Variants in GPCPD1 observed in about 807,000 individuals in gnomAD.
GPCPD1 encodes glycerophosphocholine phosphodiesterase 1.
GPCPD1 carries 29 observed loss-of-function variants against 89.2 expected under a neutral mutation model. That is an observed-to-expected ratio of 0.33 (90% confidence interval 0.24 to 0.44). The LOEUF (loss-of-function observed/expected upper bound fraction) is 0.44. Among genes scored for constraint, GPCPD1 ranks in the 20% least tolerant of loss-of-function variants. The probability of loss-of-function intolerance (pLI) is 1.00; values close to 1 mark genes in which losing one functional copy is unlikely to be tolerated. For synonymous variants in GPCPD1, 258 were observed against 266.3 expected, an observed-to-expected ratio of 0.97 and a Z score of 0.30; for missense variants, 594 against 808.9, an observed-to-expected ratio of 0.73 and a Z score of 3.22.
intron 2 of GPCPD1, among the ~76,000 whole-genome samples, chr20:5,601,361 C>CTTTTTTTTTTTTT (rs1209326779): frequency 1.4e-5 from 1 of 73,046 alleles, no homozygotes; most frequent in Non-Finnish European, 2.4e-5. Context: ...CCCTGTTAAT[C>CTTTTTTTTTTTTT]TTTTTTTTTT....
At chr20:5,571,736 C>A (rs1986730760) in intron 11 of GPCPD1, among the ~76,000 whole-genome samples, 2 of 152,074 alleles carry the variant, frequency 1.3e-5, no homozygotes, top group Non-Finnish European at 2.9e-5. Context: ...TGGCGAAACC[C>A]CATCTCTACT....
Position 5,575,332 on chromosome 20 carries a change from G to T in GPCPD1, c.1001+81C>A. On this transcript the variant is annotated intron_variant, in intron 10 of 19. Transcript: ENST00000379019. ...TTGGTAAATAATAAAAACATCATTTGACCTTTGCTGAGAAAACCAGTGTAA... is the reference window on the plus strand; with the variant it reads ...TTGGTAAATAATAAAAACATCATTTTACCTTTGCTGAGAAAACCAGTGTAA... 3 of 960,022 alleles carry T rather than the reference G, an allele frequency of 3.1e-6. No individual in the cohort carries two copies. In the South Asian group the frequency reaches 5.5e-5, roughly 17 times the overall value. The allele number at this position is 960,022 out of a possible 1,614,324, so 59.5% of individuals were successfully genotyped here.
At chr20:5,549,562 G>A (rs1349187297) in intron 19 of GPCPD1, 2 of 826,342 alleles carry the variant, frequency 2.4e-6, no homozygotes, top group Non-Finnish European at 3.8e-6. Context: ...CTGAATCAAA[G>A]CCTCTTCAAA....
At chr20:5,597,845 C>T (rs767720166) in intron 3 of GPCPD1, among the ~76,000 whole-genome samples, 13 of 152,180 alleles carry the variant, frequency 8.5e-5, no homozygotes, top group Non-Finnish European at 1.8e-4. Flanking sequence ...ACTAAGTTTA[C>T]TGATGGATTC....
Position 5,581,814 on chromosome 20 carries a change from CTTTTTTTTTTTTTTT to C in GPCPD1, c.350-1698_350-1684del, listed in dbSNP as rs11479995. On this transcript the variant is annotated intron_variant, in intron 6 of 19. Coordinates refer to ENST00000379019, the MANE Select transcript of GPCPD1 (RefSeq NM_019593.5). ...ATGCTTAATAATTGTGGGACTTTAA[CTTTTTTTTTTTTTTT>C]TTTTTTTTTTTTTTTTTTGCAGAAA... Among the ~76,000 whole-genome samples, 666 of 75,068 alleles carry C rather than the reference CTTTTTTTTTTTTTTT, an allele frequency of 8.9e-3. 8 individuals carry two copies. The highest frequency in any genetic ancestry group is 0.011 in the Non-Finnish European group (474 of 44,138). 49.2% of individuals were successfully genotyped at this position (75,068 alleles called of 152,430 possible). A position where few individuals can be genotyped will look rare whatever the true frequency, so the allele number is the denominator to read the frequency against.
At chr20:5,548,976 A>AAAAAGAT in intron 19 of GPCPD1, 1 of 941,092 alleles carries the variant, frequency 1.1e-6, no homozygotes, top group Non-Finnish European at 1.6e-6. Context: ...GGTTTTTTTA[A>AAAAAGAT]AAAAGATAAA....
At chr20:5,607,842 T>C (rs763059451) in intron 1 of GPCPD1, among the ~76,000 whole-genome samples, 71 of 148,082 alleles carry the variant, frequency 4.8e-4, no homozygotes, top group Non-Finnish European at 8.5e-4. Flanking sequence ...AAAAAAAGCC[T>C]GACATTTAAA....
chr20:5,582,358 A>C (rs1041619034), intron 6 of GPCPD1, among the ~76,000 whole-genome samples: 1 of 152,112 alleles, frequency 6.6e-6, no homozygotes, highest in Admixed American at 6.5e-5. Flanking sequence ...TCCCAAACAA[A>C]ATCAAGGAAA....
chr20:5,549,792 A>G (rs1356460522), intron 19 of GPCPD1, among the ~76,000 whole-genome samples: 1 of 152,016 alleles, frequency 6.6e-6, no homozygotes, highest in Non-Finnish European at 1.5e-5. Context: ...CTTCAGGGAA[A>G]TAGCATGTTC....
chr20:5,606,072 C>T (rs1980561329), intron 1 of GPCPD1, among the ~76,000 whole-genome samples: 1 of 152,216 alleles, frequency 6.6e-6, no homozygotes, highest in South Asian at 2.1e-4. Flanking sequence ...CACTTATCCA[C>T]ATTTTGTCTA....
chr20:5,574,390 T>C (rs927173736), intron 10 of GPCPD1, among the ~76,000 whole-genome samples: 2 of 151,802 alleles, frequency 1.3e-5, no homozygotes, highest in African/African-American at 4.8e-5. Context: ...AGGATAGAAG[T>C]ATGGAAACTC....
At chr20:5,563,385 AATT>A (rs1457440290) in intron 15 of GPCPD1, among the ~76,000 whole-genome samples, 4 of 152,192 alleles carry the variant, frequency 2.6e-5, no homozygotes, top group African/African-American at 9.7e-5. Context: ...CACAATTTAA[AATT>A]TTTTTCCTGG....
chr20:5,578,825 C>T (rs886710658), intron 7 of GPCPD1, among the ~76,000 whole-genome samples: 4 of 152,066 alleles, frequency 2.6e-5, no homozygotes, highest in Non-Finnish European at 1.5e-5. Flanking sequence ...CATATTTTTG[C>T]AAAGTATTAA....
At chr20:5,572,592 G>C (rs1188775790) in intron 11 of GPCPD1, among the ~76,000 whole-genome samples, 1 of 152,054 alleles carries the variant, frequency 6.6e-6, no homozygotes, top group East Asian at 1.9e-4. Flanking sequence ...TTTTTACAAG[G>C]CAAAGTTGAG....
intron 2 of GPCPD1, among the ~76,000 whole-genome samples, chr20:5,603,779 C>G (rs1227320706): frequency 6.8e-6 from 1 of 146,070 alleles, no homozygotes; most frequent in Non-Finnish European, 1.5e-5. Context: ...CGGATTCTGG[C>G]TCTGTCACCC....
chr20:5,583,583 T>G (rs1050432935), intron 6 of GPCPD1, among the ~76,000 whole-genome samples: 4 of 152,110 alleles, frequency 2.6e-5, no homozygotes, highest in Non-Finnish European at 5.9e-5. Context: ...GGATATAGTA[T>G]TTACTAAAAC....
chr20:5,581,032 AGCT>A (rs1403556656), intron 6 of GPCPD1, among the ~76,000 whole-genome samples: 1 of 151,932 alleles, frequency 6.6e-6, no homozygotes, highest in Non-Finnish European at 1.5e-5. Context: ...CACCATGCCC[AGCT>A]GACTTGTATT....
At chr20:5,595,248 T>A (rs552226546) in intron 3 of GPCPD1, among the ~76,000 whole-genome samples, 1 of 152,290 alleles carries the variant, frequency 6.6e-6, no homozygotes, top group Non-Finnish European at 1.5e-5. Context: ...TATATATATG[T>A]AACAAACCTG....
At chr20:5,593,274 T>C (rs1209091573) in intron 4 of GPCPD1, 53 bp downstream of exon 4, 5 of 881,454 alleles carry the variant, frequency 5.7e-6, no homozygotes, top group South Asian at 1.4e-5. Flanking sequence ...CTTAAGTGAG[T>C]TGCTTTTGAA....
Sources: gnomAD v4.1 joint callset for allele counts (sites outside exome capture counted in the v4.1 genomes callset) on GRCh38, gnomAD v4.1.1 for gene constraint, MANE v1.5 for transcripts, NCBI Gene and HGNC (gene_info 2026-07-23, HGNC 2026-07-21) for gene names.